Variants in ANKRD11 observed in about 807,000 individuals in gnomAD.
The protein encoded by ANKRD11 is ankyrin repeat domain-containing protein 11.
In ANKRD11, 17 loss-of-function variants were observed where a neutral mutation model predicts 195.7. The observed-to-expected ratio is 0.09, with a 90% CI of 0.06 to 0.13. The LOEUF (loss-of-function observed/expected upper bound fraction) is 0.13, where lower values mean the gene tolerates loss of function less well. Ranked by LOEUF, ANKRD11 falls within the 10% of genes least tolerant of loss-of-function variation. The pLI is 1.00. For missense variants in ANKRD11, 3,735 were observed against 3,566.1 expected (o/e 1.05, Z -1.21); for synonymous variants, 1,953 against 1,528.1 (o/e 1.28, Z -6.49).
intron 4 of ANKRD11, chr16:89,299,345 CGTGGGGTCTGTGCCCTGTGTGGGGTG>C (rs2035665749): frequency 4.4e-6 from 1 of 225,296 alleles, no homozygotes; most frequent in South Asian, 4.5e-5. Context: ...GTGTGGGGTG[CGTGGGGTCTGTGCCCTGTGTGGGGTG>C]CCTGCCCTGT....
rs763100566 is a variant in ANKRD11, at chr16:89,280,165, C to G, written c.6377G>C (p.Gly2126Ala). ...EPVPWADAFAGPEDDLDLGPF... is the reference protein window; with the variant it reads ...EPVPWADAFAAPEDDLDLGPF... ...CCCCAGGTCCAGGTCGTCCTCGGGG[C>G]CGGCGAAGGCGTCCGCCCAGGGCAC... is the stretch of plus-strand genomic sequence containing the variant. The change falls in exon 9 of 13, where the codon GGC becomes GCC. Residue 2126 changes from glycine (G) to alanine (A), a missense_variant. Physicochemically the swap from Gly to Ala is moderately conservative, Grantham distance 60. Transcript: ENST00000301030. The G allele has an allele frequency of 6.2e-7, 1 of 1,609,740 alleles. No homozygotes were observed. Among genetic ancestry groups the G allele is most frequent in the Non-Finnish European group, 8.5e-7 (1 of 1,178,866 alleles).
rs765986335 is a variant in ANKRD11 at position 89,280,736 on chromosome 16, C to T, written c.5806G>A (p.Glu1936Lys). Reference sequence around the variant, plus strand: ...GTGATGACGGCGCTGAAGGGACCCTCGTCCAGCGGCTCCAGGTAGCTGGGC... The same window carrying T: ...GTGATGACGGCGCTGAAGGGACCCTTGTCCAGCGGCTCCAGGTAGCTGGGC... ...PEPSYLEPLD[E>K]GPFSAVITEE... The change falls in exon 9 of 13, where the codon GAG (glutamate) becomes AAG (lysine). Residue 1936 changes from glutamate to lysine, a missense_variant. Glu to Lys is a moderately conservative substitution (Grantham distance 56, BLOSUM62 1). Coordinates refer to ENST00000301030, the MANE Select transcript of ANKRD11 (RefSeq NM_013275.6). 4.3e-6 allele frequency: 7 copies of T among 1,613,444 alleles called. No homozygotes were observed. Among genetic ancestry groups the T allele is most frequent in the Non-Finnish European group, 5.1e-6 (6 of 1,179,898 alleles).
chr16:89,279,632 C>T lies in ANKRD11; in HGVS notation c.6910G>A (p.Glu2304Lys), dbSNP rs905177395. ...TEASRAAAPAEGPPGGIQPEA... is the reference protein window; with the variant it reads ...TEASRAAAPAKGPPGGIQPEA... ...GGCTGGATGCCGCCAGGAGGGCCTT[C>T]GGCTGGGGCGGCGGCACGGGAGGCC... The change falls in exon 9 of 13, where the codon GAA (glutamate) becomes AAA (lysine). Residue 2304 changes from glutamate (E) to lysine (K), a missense_variant. Coordinates refer to ENST00000301030, the MANE Select transcript of ANKRD11 (RefSeq NM_013275.6). This position sits in a 1 kb window ranked among gnomAD's most constrained non-coding sequence, Gnocchi z 5.6. The T allele has an allele frequency of 5.4e-5, 77 of 1,437,642 alleles. No homozygotes were observed. The highest frequency in any genetic ancestry group is 6.2e-5 in the Non-Finnish European group (68 of 1,100,380). 89.1% of individuals were successfully genotyped at this position (1,437,642 alleles called of 1,614,324 possible).
intron 1 of ANKRD11, among the ~76,000 whole-genome samples, chr16:89,464,183 G>C (rs2056802333): frequency 6.6e-6 from 1 of 152,156 alleles, no homozygotes; most frequent in South Asian, 2.1e-4. Flanking sequence ...AGGCTGTAGC[G>C]AGCGAAGATC....
intron 1 of ANKRD11, among the ~76,000 whole-genome samples, chr16:89,486,028 T>A (rs1344549786): frequency 3.3e-5 from 5 of 152,218 alleles, no homozygotes; most frequent in Non-Finnish European, 7.3e-5. Flanking sequence ...CTGCTAAAAG[T>A]GCTTTCACAG....
intron 2 of ANKRD11, among the ~76,000 whole-genome samples, chr16:89,360,050 T>G (rs1176591578): frequency 6.6e-6 from 1 of 152,022 alleles, no homozygotes; most frequent in Non-Finnish European, 1.5e-5. Flanking sequence ...CTCCTCTCCC[T>G]CCTCCCGCCC....
chr16:89,442,872 C>T (rs770530376), intron 1 of ANKRD11, among the ~76,000 whole-genome samples: 5 of 152,362 alleles, frequency 3.3e-5, no homozygotes, highest in African/African-American at 1.2e-4. Context: ...CCACCTCCCA[C>T]GGGCCCTGAC....
chr16:89,358,788 A>G (rs2039601506), intron 2 of ANKRD11, among the ~76,000 whole-genome samples: 2 of 151,180 alleles, frequency 1.3e-5, no homozygotes, highest in South Asian at 4.2e-4. Context: ...TGCCGCTAAA[A>G]CCCACATCTC....
At chr16:89,312,054 T>C (rs547918935) in intron 3 of ANKRD11, among the ~76,000 whole-genome samples, 10 of 152,264 alleles carry the variant, frequency 6.6e-5, no homozygotes, top group Non-Finnish European at 1.2e-4. Flanking sequence ...TGCAACACCA[T>C]GCCCAGATAA....
chr16:89,310,815 G>C (rs2036568439), intron 3 of ANKRD11, among the ~76,000 whole-genome samples: 1 of 152,200 alleles, frequency 6.6e-6, no homozygotes, highest in Non-Finnish European at 1.5e-5. Flanking sequence ...ACTGATTCTT[G>C]TAGCTTTTGT....
chr16:89,414,604 G>A (rs974389246), intron 2 of ANKRD11, among the ~76,000 whole-genome samples: 10 of 152,172 alleles, frequency 6.6e-5, no homozygotes, highest in Non-Finnish European at 8.8e-5. Flanking sequence ...CAGTAGATAC[G>A]ACCGTGACCA....
chr16:89,412,881 T>TCAGCAGAGGACAGAGGA (rs1163353260), intron 2 of ANKRD11, among the ~76,000 whole-genome samples: 3 of 152,124 alleles, frequency 2.0e-5, no homozygotes, highest in African/African-American at 7.2e-5. Context: ...GCCTCCCAGG[T>TCAGCAGAGGACAGAGGA]CAGCAGAGGA....
intron 2 of ANKRD11, among the ~76,000 whole-genome samples, chr16:89,396,797 C>T (rs2041453616): frequency 6.6e-6 from 1 of 152,314 alleles, no homozygotes; most frequent in South Asian, 2.1e-4. Flanking sequence ...CGCCGTTCTC[C>T]TGCCTCAGCC....
intron 2 of ANKRD11, among the ~76,000 whole-genome samples, chr16:89,368,608 TAA>T (rs34142081): frequency 0.032 from 4,244 of 131,584 alleles, 135 homozygotes; most frequent in African/African-American, 0.081. Flanking sequence ...ACGCAGCTCT[TAA>T]AAAAAAAAAA....
Position 89,285,617 on chromosome 16 carries a change from CGAA to C in ANKRD11, c.922_924del (p.Phe308del). On this transcript the variant is annotated inframe_deletion, in exon 9 of 13. Transcript: ENST00000301030. This position sits in a 1 kb window ranked among gnomAD's most constrained non-coding sequence, Gnocchi z 5.6. ...TTGCCGTCGACTGAACTGGAAGGTGCGAAGGATGGTGCGTCTTCCTCTTCTGAG... is the reference window on the plus strand; with the variant it reads ...TTGCCGTCGACTGAACTGGAAGGTGCGGATGGTGCGTCTTCCTCTTCTGAG... The C allele has an allele frequency of 6.2e-7, 1 of 1,614,120 alleles. No individual in the cohort carries two copies. Among genetic ancestry groups the C allele is most frequent in the Non-Finnish European group, 8.5e-7 (1 of 1,180,032 alleles).
intron 2 of ANKRD11, among the ~76,000 whole-genome samples, chr16:89,336,724 C>T (rs1161203735): frequency 1.3e-5 from 2 of 152,172 alleles, no homozygotes; most frequent in Non-Finnish European, 2.9e-5. Flanking sequence ...TACAAGGAGT[C>T]CCCACTCTCT....
At chr16:89,313,518 A>C in intron 3 of ANKRD11, 1 of 1,289,202 alleles carries the variant, frequency 7.8e-7, no homozygotes, top group Non-Finnish European at 1.0e-6. Flanking sequence ...ATCAGGATGC[A>C]CTGCAGAGTT....
chr16:89,438,309 C>G (rs2152285875), intron 1 of ANKRD11, among the ~76,000 whole-genome samples: 1 of 143,416 alleles, frequency 7.0e-6, no homozygotes, highest in African/African-American at 2.6e-5. Flanking sequence ...TCTTTATGGC[C>G]TTGGGATAGG....
chr16:89,328,513 G>A (rs1220903778), intron 2 of ANKRD11, among the ~76,000 whole-genome samples: 1 of 152,244 alleles, frequency 6.6e-6, no homozygotes, highest in East Asian at 1.9e-4. Context: ...CAGTAAAAGG[G>A]ATGGCTATGG....
Sources: gnomAD v4.1 joint callset for allele counts (sites outside exome capture counted in the v4.1 genomes callset) on GRCh38, gnomAD v4.1.1 for gene constraint, Gnocchi (gnomAD v3.1) non-coding constraint, MANE v1.5 for transcripts, NCBI Gene and HGNC (gene_info 2026-07-23, HGNC 2026-07-21) for gene names.